The following UCHL3 variants were observed in gnomAD, a reference collection of about 807,000 sequenced individuals.
The protein encoded by UCHL3 is ubiquitin carboxyl-terminal hydrolase isozyme L3.
A neutral mutation model predicts 35.8 loss-of-function variants in UCHL3; 22 were observed. That is an observed-to-expected ratio of 0.61 (90% CI 0.44 to 0.88). The LOEUF (loss-of-function observed/expected upper bound fraction) is 0.88, where lower values mean the gene tolerates loss of function less well. Among genes scored for constraint, UCHL3 ranks in the 40% least tolerant of loss-of-function variants. UCHL3 has a pLI of 0.00. For synonymous variants in UCHL3, 90 were observed against 92.8 expected, an observed-to-expected ratio of 0.97 and a Z score of 0.17; for missense variants, 229 against 276.9, an observed-to-expected ratio of 0.83 and a Z score of 1.23.
chr13:75,604,980 T>TA (rs2032893146), intron 8 of UCHL3, 153 bp downstream of exon 8: 1 of 530,068 alleles, frequency 1.9e-6, no homozygotes. Flanking sequence ...ATATTAGTGT[T>TA]AAAAATCTAC....
chr13:75,558,429 T>C (rs535849899), intron 2 of UCHL3, among the ~76,000 whole-genome samples: 1 of 152,344 alleles, frequency 6.6e-6, no homozygotes, highest in East Asian at 1.9e-4. Context: ...ACTGTGACTT[T>C]TAGTTTGCAG....
At chr13:75,570,817 T>C (rs7987763) in intron 6 of UCHL3, among the ~76,000 whole-genome samples, 151,013 of 152,228 alleles carry the variant, frequency 0.99, 74,914 homozygotes, top group Middle Eastern at 1. Flanking sequence ...GAGGCTGAGG[T>C]GGGAGGATTA....
At chr13:75,563,648 C>T (rs749038412) in intron 3 of UCHL3, among the ~76,000 whole-genome samples, 14 of 152,114 alleles carry the variant, frequency 9.2e-5, no homozygotes, top group Non-Finnish European at 1.8e-4. Context: ...TCTTATTTAA[C>T]AAAAATTTCT....
At chr13:75,563,369 G>A (rs541035844) in intron 3 of UCHL3, among the ~76,000 whole-genome samples, 4 of 152,034 alleles carry the variant, frequency 2.6e-5, no homozygotes, top group Non-Finnish European at 5.9e-5. Context: ...TAGAGACAGG[G>A]TTTCACCATG....
chr13:75,552,799 AG>A (rs1350485562), intron 2 of UCHL3, among the ~76,000 whole-genome samples: 1 of 152,240 alleles, frequency 6.6e-6, no homozygotes, highest in Non-Finnish European at 1.5e-5. Flanking sequence ...AGTGTGATAT[AG>A]GCAATTATTA....
chr13:75,576,340 C>T (rs1287904049), intron 6 of UCHL3, among the ~76,000 whole-genome samples: 3 of 152,166 alleles, frequency 2.0e-5, no homozygotes, highest in Non-Finnish European at 1.5e-5. Flanking sequence ...AGCAATTCTC[C>T]TGCCTCAGCC....
Position 75,575,079 on chromosome 13 carries a change from C to A in UCHL3, c.474+5572C>A, listed in dbSNP as rs141544733. On this transcript the variant is annotated intron_variant, in intron 6 of 8. Transcript: ENST00000377595. ...GCATCACTGGTACTCTCTATCAGAA[C>A]GTTTTCATGGGAATGGAGGAGGCAG... Among the ~76,000 whole-genome samples, 489 of 152,230 alleles carry A rather than the reference C, an allele frequency of 3.2e-3. 1 individual carries two copies. The highest frequency in any genetic ancestry group is 0.011 in the African/African-American group (464 of 41,530).
At chr13:75,580,709 G>A (rs573890771) in intron 6 of UCHL3, among the ~76,000 whole-genome samples, 21 of 152,224 alleles carry the variant, frequency 1.4e-4, no homozygotes, top group South Asian at 8.3e-4. Context: ...CTAACTAAGT[G>A]CTGTATCTAC....
intron 6 of UCHL3, among the ~76,000 whole-genome samples, chr13:75,582,920 A>G (rs1469396308): frequency 6.6e-6 from 1 of 152,202 alleles, no homozygotes; most frequent in East Asian, 1.9e-4. Context: ...TTATTGCTTG[A>G]AAGTCTTTTT....
Position 75,604,779 on chromosome 13 carries a change from G to A in UCHL3, c.561G>A (p.Lys187=). 2 of 1,598,070 alleles carry A rather than the reference G, an allele frequency of 1.3e-6. No individual in the cohort carries two copies. Among genetic ancestry groups the A allele is most frequent in the Non-Finnish European group, 1.7e-6 (2 of 1,172,376 alleles). The change falls in exon 8 of 9, where the codon AAG becomes AAA. Residue 187 remains lysine (K), a synonymous_variant. Coordinates refer to ENST00000377595, the MANE Select transcript of UCHL3 (RefSeq NM_006002.5). ...GTCTGTTTTCCACAGATGGGCGGAA[G>A]CCATTTCCAATTAACCATGGTGAAA... ...DGHLYELDGR[K]PFPINHGETS... is the part of the protein sequence containing the mutation.
chr13:75,600,672 G>A (rs1409617202), intron 7 of UCHL3, among the ~76,000 whole-genome samples: 2 of 152,312 alleles, frequency 1.3e-5, no homozygotes, highest in Middle Eastern at 3.4e-3. Context: ...AATGCACCTT[G>A]TAATCCAAGA....
At chr13:75,601,661 CA>C (rs1352843861) in intron 7 of UCHL3, among the ~76,000 whole-genome samples, 1 of 152,006 alleles carries the variant, frequency 6.6e-6, no homozygotes, top group Admixed American at 6.6e-5. Flanking sequence ...CACTAGGAAA[CA>C]AAAAAATTTG....
At chr13:75,599,128 C>G (rs2138583847) in intron 7 of UCHL3, among the ~76,000 whole-genome samples, 1 of 133,242 alleles carries the variant, frequency 7.5e-6, no homozygotes, top group Middle Eastern at 3.8e-3. Context: ...GCCACCATGC[C>G]TGGCTATTTT....
At chr13:75,572,786 A>T (rs1478057762) in intron 6 of UCHL3, among the ~76,000 whole-genome samples, 1 of 152,162 alleles carries the variant, frequency 6.6e-6, no homozygotes, top group Non-Finnish European at 1.5e-5. Context: ...AAAGGGTTCA[A>T]TTCTTTTTTG....
chr13:75,606,011 G>T lies in UCHL3; in HGVS notation c.*199G>T. 3.9e-6 allele frequency: 2 copies of T among 517,988 alleles called. No homozygotes were observed. Among genetic ancestry groups the T allele is most frequent in the South Asian group, 7.2e-5 (2 of 27,618 alleles). 32.1% of individuals were successfully genotyped at this position (517,988 alleles called of 1,614,324 possible). A position where few individuals can be genotyped will look rare whatever the true frequency, so the allele number is the denominator to read the frequency against. On this transcript the variant is annotated 3_prime_UTR_variant, in exon 9 of 9. Transcript: ENST00000377595. The stretch of plus-strand genomic sequence containing the variant: ...TGCTTTCCTCCTCTTTTCTTGTGAA[G>T]GATTTATCTTGTTTGAAAACTAGCA...
Position 75,549,963 on chromosome 13 carries a change from G to A in UCHL3, c.43-13G>A. 6.2e-7 allele frequency: 1 copy of A among 1,614,258 alleles called. No homozygotes were observed. The highest frequency in any genetic ancestry group is 1.1e-5 in the South Asian group (1 of 91,090). ...GGTTTGTCTCTAAAGCGTGTTCTCT[G>A]TTTCGTTTTCAGGTCACCAACCAGG... On this transcript the variant is annotated splice_polypyrimidine_tract_variant and intron_variant, in intron 1 of 8. Transcript: ENST00000377595.
intron 6 of UCHL3, among the ~76,000 whole-genome samples, chr13:75,591,676 G>A (rs992538061): frequency 7.2e-5 from 11 of 152,054 alleles, no homozygotes; most frequent in African/African-American, 2.2e-4. Context: ...CACACTGCTC[G>A]GGTTTGAATC....
intron 6 of UCHL3, 61 bp from the exon 7 acceptor site, chr13:75,594,854 T>C: frequency 8.2e-7 from 1 of 1,213,532 alleles, no homozygotes; most frequent in Non-Finnish European, 1.2e-6. Flanking sequence ...TGTTTATGTA[T>C]ACATGACTGA....
At chr13:75,599,973 C>T (rs1307281057) in intron 7 of UCHL3, among the ~76,000 whole-genome samples, 1 of 152,198 alleles carries the variant, frequency 6.6e-6, no homozygotes, top group East Asian at 1.9e-4. Context: ...AAGTGCTGCT[C>T]CAGTGAACAC....
Sources: allele counts gnomAD v4.1 joint callset (sites outside exome capture counted in the v4.1 genomes callset), GRCh38; gene constraint gnomAD v4.1.1; transcripts MANE v1.5; gene names NCBI Gene and HGNC (gene_info 2026-07-23, HGNC 2026-07-21).